Variants in PDLIM2 observed in about 807,000 individuals in gnomAD.
The protein encoded by PDLIM2 is PDZ and LIM domain 2, also known as PDZ and LIM domain protein 2.
Under a neutral mutation model 54.1 loss-of-function variants are expected in PDLIM2, and 51 were observed. That is an observed-to-expected ratio of 0.94 (90% CI 0.75 to 1.19). PDLIM2 has a LOEUF of 1.19. PDLIM2 is among the 50% of genes most tolerant of loss of function. PDLIM2 has a pLI of 0.00. For synonymous variants in PDLIM2, 398 were observed against 385.6 expected, an observed-to-expected ratio of 1.03 and a Z score of -0.38; for missense variants, 912 against 874.0, an observed-to-expected ratio of 1.04 and a Z score of -0.55.
chr8:22,584,933 C>G lies in PDLIM2; in HGVS notation c.1065+43C>G, dbSNP rs1462686616. On this transcript the variant is annotated intron_variant, in intron 4 of 9. Coordinates refer to ENST00000308354, the Ensembl canonical transcript of PDLIM2. ...CCTGACAGCCTCAGCACCCTGATCA[C>G]TGGTGCATGAAAGTGAGGCCCGAGG... 1.9e-6 allele frequency: 3 copies of G among 1,613,816 alleles called. No individual in the cohort carries two copies. In the Admixed American group the frequency reaches 5.0e-5, roughly 27 times the overall value.
chr8:22,586,755 TC>T (rs1800393020), intron 6 of PDLIM2, among the ~76,000 whole-genome samples: 1 of 152,114 alleles, frequency 6.6e-6, no homozygotes, highest in Admixed American at 6.5e-5. Context: ...TTCCCGAGCT[TC>T]CCCATCGTGT....
intron 7 of PDLIM2, 108 bp from the exon 7 acceptor site, chr8:22,589,488 C>T (rs1056143398): frequency 5.2e-6 from 8 of 1,527,438 alleles, no homozygotes; most frequent in Non-Finnish European, 7.1e-6. Flanking sequence ...GGCTCCTCCA[C>T]CTCCCAGATT....
At chr8:22,589,141 G>A (rs893639313) in intron 6 of PDLIM2, 157 bp from the exon 6 acceptor site, 9 of 588,418 alleles carry the variant, frequency 1.5e-5, no homozygotes, top group Middle Eastern at 4.3e-4. Flanking sequence ...GGGAGCCCCC[G>A]ACACCTTGGC....
rs1800106368 is a variant in PDLIM2, at chr8:22,578,832, C to CTCGA, written c.57_60dup (p.Ser21IlefsTer74). Reference sequence around the variant, plus strand: ...TGGGAGAGCTTTATGGGGCTGCCCCCTCGATCGTCTGCGAAGTGGGGCGCG... The same window carrying CTCGA: ...TGGGAGAGCTTTATGGGGCTGCCCCCTCGATCGATCGTCTGCGAAGTGGGGCGCG... On this transcript the variant is annotated frameshift_variant, in exon 1 of 10. Coordinates refer to ENST00000308354, the Ensembl canonical transcript of PDLIM2. LOFTEE classifies it high-confidence loss of function. 8.1e-7 allele frequency: 1 copy of CTCGA among 1,234,464 alleles called. No individual in the cohort carries two copies. The highest frequency in any genetic ancestry group is 1.0e-6 in the Non-Finnish European group (1 of 988,572). The allele number at this position is 1,234,464 out of a possible 1,614,324, so 76.5% of individuals were successfully genotyped here. A position where few individuals can be genotyped will look rare whatever the true frequency, so the allele number is the denominator to read the frequency against.
chr8:22,593,501 C>T (rs77117872), intron 9 of PDLIM2: 7,650 of 507,700 alleles, frequency 0.015, 354 homozygotes, highest in African/African-American at 0.098. Context: ...CGCTTGAACC[C>T]GGAAGGTAGA....
rs758329263 is a variant in PDLIM2 at position 22,591,651 on chromosome 8, G to A, written c.1614G>A (p.Lys538=). 3.7e-6 allele frequency: 6 copies of A among 1,612,698 alleles called. No homozygotes were observed. In the Admixed American group the frequency reaches 8.3e-5, roughly 22 times the overall value. Residue 538 remains lysine, a synonymous_variant, in exon 9 of 10, where the codon AAG becomes AAA. Transcript: ENST00000308354. ...CTCCCAAGCTCCACACTTGTGAGAA[G>A]TGCAGTACCAGCATCGCGTGAGTGT...
At chr8:22,593,445 C>CCGT in intron 9 of PDLIM2, 3 of 378,884 alleles carry the variant, frequency 7.9e-6, no homozygotes, top group Admixed American at 8.5e-5. Flanking sequence ...GGTGTGGTCG[C>CCGT]ACATGCTTGT....
Position 22,589,592 on chromosome 8 carries a change from G to T in PDLIM2, c.1368-4G>T. 6.2e-7 allele frequency: 1 copy of T among 1,601,324 alleles called. No individual in the cohort carries two copies. Among genetic ancestry groups the T allele is most frequent in the African/African-American group, 1.3e-5 (1 of 74,734 alleles). On this transcript the variant is annotated splice_region_variant and splice_polypyrimidine_tract_variant and intron_variant, in intron 7 of 9. Coordinates refer to ENST00000308354, the Ensembl canonical transcript of PDLIM2. The stretch of plus-strand genomic sequence containing the variant: ...CTCATTCCTGGCTGCCTCCCACCCT[G>T]CAGCATGGACTCGGAAGGGGGAAGC...
intron 6 of PDLIM2, among the ~76,000 whole-genome samples, chr8:22,585,913 C>A (rs1365417450): frequency 2.6e-5 from 4 of 151,646 alleles, no homozygotes; most frequent in Non-Finnish European, 5.9e-5. Context: ...TCTCCTCCTC[C>A]CCCTACCCCC....
At chr8:22,586,603 T>A (rs1409822465) in intron 6 of PDLIM2, among the ~76,000 whole-genome samples, 1 of 151,782 alleles carries the variant, frequency 6.6e-6, no homozygotes, top group Non-Finnish European at 1.5e-5. Context: ...GCTGGGGGAT[T>A]TTTTAGGGGG....
exon 9 of PDLIM2, chr8:22,591,643 T>A: frequency 6.2e-7 from 1 of 1,612,812 alleles, no homozygotes; most frequent in Non-Finnish European, 8.5e-7. Flanking sequence ...GCTCCACACT[T>A]GTGAGAAGTG....
chr8:22,586,464 G>C (rs1563867368), intron 6 of PDLIM2, among the ~76,000 whole-genome samples: 1 of 152,186 alleles, frequency 6.6e-6, no homozygotes, highest in Non-Finnish European at 1.5e-5. Flanking sequence ...GGAGGGGAAG[G>C]AAGGCTGTGT....
At chr8:22,594,782 A>G (rs1800648248), downstream of PDLIM2, 9 of 1,361,166 alleles carry the variant, frequency 6.6e-6, no homozygotes, top group Admixed American at 2.9e-5. Context: ...TGGAGGGGGG[A>G]AAAAGGGCAG....
At chr8:22,592,605 G>GA (rs1800584248) in intron 9 of PDLIM2, 1 of 152,228 alleles carries the variant, frequency 6.6e-6, no homozygotes, top group Non-Finnish European at 1.5e-5. Context: ...AATGTGTGTT[G>GA]AAAAAGCATG....
chr8:22,594,751 T>G, downstream of PDLIM2: 1 of 1,467,632 alleles, frequency 6.8e-7, no homozygotes, highest in Non-Finnish European at 9.1e-7. Flanking sequence ...GAGAGACTGC[T>G]GGCTTCATTG....
At chr8:22,579,667 C>G in intron 1 of PDLIM2, 1 of 1,049,080 alleles carries the variant, frequency 9.5e-7, no homozygotes, top group Non-Finnish European at 1.3e-6. Flanking sequence ...TTGATAGATT[C>G]TCGCAGCACT....
chr8:22,585,282 G>A, intron 5 of PDLIM2, 39 bp from the exon 5 acceptor site: 1 of 1,608,100 alleles, frequency 6.2e-7, no homozygotes, highest in Non-Finnish European at 8.5e-7. Context: ...GGCAGGCTGG[G>A]GGTGGCCCTG....
At chr8:22,592,478 G>A (rs926928345) in intron 9 of PDLIM2, 1 of 152,200 alleles carries the variant, frequency 6.6e-6, no homozygotes, top group African/African-American at 2.4e-5. Context: ...TCTGAAGTGT[G>A]TAGTGTGGGA....
intron 3 of PDLIM2, among the ~76,000 whole-genome samples, chr8:22,583,645 AG>A: frequency 6.6e-6 from 1 of 152,112 alleles, no homozygotes; most frequent in East Asian, 1.9e-4. Flanking sequence ...GGGCACCTGT[AG>A]TCCCAGCTAC....
Sources: gnomAD v4.1 joint callset for allele counts (sites outside exome capture counted in the v4.1 genomes callset) on GRCh38, gnomAD v4.1.1 for gene constraint, MANE v1.5 for transcripts, NCBI Gene and HGNC (gene_info 2026-07-23, HGNC 2026-07-21) for gene names.